GAREM1: variants seen among roughly 807,000 people sequenced by gnomAD.
The protein encoded by GAREM1 is GRB2-associated and regulator of MAPK protein 1.
GAREM1 carries 26 observed loss-of-function variants against 71.3 expected under a neutral mutation model. The observed-to-expected ratio is 0.36, with a 90% CI of 0.27 to 0.51. GAREM1 has a LOEUF of 0.51. Among genes scored for constraint, GAREM1 ranks in the 20% least tolerant of loss-of-function variants. The pLI, the probability that GAREM1 is intolerant of heterozygous loss-of-function variation, is 0.95. For synonymous variants in GAREM1, 440 were observed against 433.2 expected (o/e 1.02, Z -0.20); for missense variants, 1,026 against 1,103.1 (o/e 0.93, Z 0.99).
At chr18:32,468,467 G>A (rs115485482) in intron 1 of GAREM1, among the ~76,000 whole-genome samples, 4,054 of 152,234 alleles carry the variant, frequency 0.027, 168 homozygotes, top group African/African-American at 0.091. Flanking sequence ...GGAAATAAGA[G>A]AAATTTACAA....
At chr18:32,418,840 C>T (rs963841382) in intron 1 of GAREM1, among the ~76,000 whole-genome samples, 5 of 152,218 alleles carry the variant, frequency 3.3e-5, no homozygotes, top group Admixed American at 1.3e-4. Context: ...CAATAATCAG[C>T]GTAAGTAGAC....
chr18:32,331,558 T>C (rs895110897), intron 2 of GAREM1: 1 of 152,146 alleles, frequency 6.6e-6, no homozygotes, highest in Non-Finnish European at 1.5e-5. Flanking sequence ...CATACACTAG[T>C]AGTTTTCAAG....
intron 2 of GAREM1, among the ~76,000 whole-genome samples, chr18:32,362,129 ATGC>A (rs2047871271): frequency 6.6e-6 from 1 of 152,160 alleles, no homozygotes; most frequent in South Asian, 2.1e-4. Context: ...CCGCACTGCT[ATGC>A]TCTTCACCAT....
intron 4 of GAREM1, among the ~76,000 whole-genome samples, chr18:32,272,710 G>A (rs994615314): frequency 2.6e-5 from 4 of 151,686 alleles, no homozygotes; most frequent in African/African-American, 7.3e-5. Context: ...TGCAACCTCC[G>A]CCTCCCAGGT....
chr18:32,455,127 A>T (rs1284844343), intron 1 of GAREM1, among the ~76,000 whole-genome samples: 4 of 152,206 alleles, frequency 2.6e-5, no homozygotes, highest in African/African-American at 9.6e-5. Flanking sequence ...CTCAGGGACT[A>T]ATCTCACACT....
chr18:32,368,294 A>G (rs2047944937), intron 2 of GAREM1, among the ~76,000 whole-genome samples: 1 of 151,946 alleles, frequency 6.6e-6, no homozygotes, highest in African/African-American at 2.4e-5. Context: ...CCCTTGTAAC[A>G]TCAGTGCCTG....
chr18:32,346,543 C>T (rs1208329092), intron 2 of GAREM1, among the ~76,000 whole-genome samples: 1 of 152,130 alleles, frequency 6.6e-6, no homozygotes, highest in Non-Finnish European at 1.5e-5. Context: ...TGGTTTGTTT[C>T]ACACCACATA....
chr18:32,331,750 T>C (rs1208270434), intron 2 of GAREM1: 1 of 152,052 alleles, frequency 6.6e-6, no homozygotes, highest in Non-Finnish European at 1.5e-5. Context: ...GTCACAATTG[T>C]ATTGTTAGAA....
At chr18:32,408,753 T>C (rs1384927250) in intron 1 of GAREM1, among the ~76,000 whole-genome samples, 4 of 152,132 alleles carry the variant, frequency 2.6e-5, no homozygotes, top group Non-Finnish European at 5.9e-5. Context: ...TCTGAAAATG[T>C]CCAAAAATTT....
At chr18:32,377,774 A>C (rs1001363374) in intron 2 of GAREM1, among the ~76,000 whole-genome samples, 11 of 152,136 alleles carry the variant, frequency 7.2e-5, no homozygotes, top group Non-Finnish European at 1.3e-4. Flanking sequence ...CATGTTAGCC[A>C]GGCTGGTCTT....
intron 1 of GAREM1, among the ~76,000 whole-genome samples, chr18:32,400,303 T>C (rs374081251): frequency 2.6e-4 from 39 of 152,018 alleles, no homozygotes; most frequent in African/African-American, 8.5e-4. Flanking sequence ...CAATGGCAAC[T>C]AAAGCCAAAA....
intron 1 of GAREM1, among the ~76,000 whole-genome samples, chr18:32,464,308 T>C (rs1428035297): frequency 6.6e-6 from 1 of 151,898 alleles, no homozygotes; most frequent in Non-Finnish European, 1.5e-5. Flanking sequence ...GTGTCTAAGC[T>C]CACTGTTTCG....
chr18:32,347,251 T>C (rs568918908), intron 2 of GAREM1, among the ~76,000 whole-genome samples: 1 of 152,188 alleles, frequency 6.6e-6, no homozygotes, highest in Admixed American at 6.5e-5. Context: ...TGTAATCCCA[T>C]CACTCTGGAA....
chr18:32,269,446 G>T (rs561359619), intron 5 of GAREM1, among the ~76,000 whole-genome samples: 69 of 152,260 alleles, frequency 4.5e-4, no homozygotes, highest in African/African-American at 1.6e-3. Flanking sequence ...CTCAAAGGAG[G>T]GTGAGCAGGC....
intron 1 of GAREM1, among the ~76,000 whole-genome samples, chr18:32,455,056 A>G (rs1254574651): frequency 6.6e-6 from 1 of 152,236 alleles, no homozygotes; most frequent in African/African-American, 2.4e-5. Context: ...TAAAGTCTGC[A>G]TGGAATCCAG....
At chr18:32,331,855 C>T (rs1025363808) in intron 2 of GAREM1, among the ~76,000 whole-genome samples, 1 of 151,674 alleles carries the variant, frequency 6.6e-6, no homozygotes, top group African/African-American at 2.4e-5. Flanking sequence ...GAGAGAAACA[C>T]TGCGAGTGGT....
chr18:32,384,524 C>T (rs1016000611), intron 2 of GAREM1, among the ~76,000 whole-genome samples: 3 of 152,084 alleles, frequency 2.0e-5, no homozygotes, highest in African/African-American at 7.2e-5. Context: ...CACCCATATA[C>T]CTTTTACCTA....
intron 3 of GAREM1, among the ~76,000 whole-genome samples, chr18:32,305,063 C>G (rs574010879): frequency 1.3e-5 from 2 of 151,894 alleles, no homozygotes; most frequent in East Asian, 3.9e-4. Context: ...AAAAAAAACC[C>G]CACAAATATG....
chr18:32,390,789 C>CA (rs1293901159), intron 2 of GAREM1, among the ~76,000 whole-genome samples: 1 of 152,140 alleles, frequency 6.6e-6, no homozygotes, highest in Non-Finnish European at 1.5e-5. Flanking sequence ...AATGGGTTCC[C>CA]AACACTGGCT....
Sources: allele counts gnomAD v4.1 joint callset (sites outside exome capture counted in the v4.1 genomes callset), GRCh38; gene constraint gnomAD v4.1.1; transcripts MANE v1.5; gene names NCBI Gene and HGNC (gene_info 2026-07-23, HGNC 2026-07-21).